CTNNA3: variants seen among roughly 807,000 people sequenced by gnomAD.
CTNNA3 encodes the protein catenin alpha-3.
A neutral mutation model predicts 95.7 loss-of-function variants in CTNNA3; 76 were observed. That is an observed-to-expected ratio of 0.79 (90% CI 0.66 to 0.96). CTNNA3 has a LOEUF of 0.96. Among genes scored for constraint, CTNNA3 ranks in the 40% least tolerant of loss-of-function variants. The probability of loss-of-function intolerance (pLI) is 0.00; values close to 1 mark genes in which losing one functional copy is unlikely to be tolerated. For synonymous variants in CTNNA3, 431 were observed against 374.4 expected, an observed-to-expected ratio of 1.15 and a Z score of -1.74; for missense variants, 1,191 against 1,089.8, an observed-to-expected ratio of 1.09 and a Z score of -1.31.
intron 16 of CTNNA3, among the ~76,000 whole-genome samples, chr10:65,974,307 C>G (rs1345483271): frequency 6.6e-6 from 1 of 152,120 alleles, no homozygotes; most frequent in Non-Finnish European, 1.5e-5. Flanking sequence ...TTCATTGCAG[C>G]ACTATTCACA....
chr10:67,665,885 C>T (rs1840320795), intron 1 of CTNNA3, among the ~76,000 whole-genome samples: 1 of 151,978 alleles, frequency 6.6e-6, no homozygotes. Context: ...CATTATGTAC[C>T]CAAAACACTG....
intron 9 of CTNNA3, among the ~76,000 whole-genome samples, chr10:66,738,079 GA>G (rs1393392684): frequency 6.6e-6 from 1 of 152,126 alleles, no homozygotes; most frequent in African/African-American, 2.4e-5. Context: ...AGCTTTCCAT[GA>G]AACATAGTGA....
At chr10:67,080,233 T>C (rs1365808852) in intron 7 of CTNNA3, among the ~76,000 whole-genome samples, 2 of 152,172 alleles carry the variant, frequency 1.3e-5, no homozygotes, top group African/African-American at 4.8e-5. Flanking sequence ...TTCTGCTGGA[T>C]TGGGTTTTGA....
At chr10:67,406,724 A>G (rs1845150743) in intron 5 of CTNNA3, among the ~76,000 whole-genome samples, 1 of 151,196 alleles carries the variant, frequency 6.6e-6, no homozygotes, top group Non-Finnish European at 1.5e-5. Context: ...ACAATCAGAA[A>G]TGACATGGAG....
Position 67,375,709 on chromosome 10 carries a change from A to T in CTNNA3, c.579+146133T>A, listed in dbSNP as rs550689433. ...AAGAAACCCTGTCCTAATGAAAAGG[A>T]TTCTTCTCTACTTCATTGAAGGTGG... On this transcript the variant is annotated intron_variant, in intron 5 of 17. Coordinates refer to ENST00000433211, the MANE Select transcript of CTNNA3 (RefSeq NM_013266.4). 3.3e-5 allele frequency among the ~76,000 whole-genome samples: 5 copies of T among 152,196 alleles called. No individual in the cohort carries two copies. The South Asian group carries it at 1.0e-3, about 31-fold the overall frequency.
At chr10:66,284,119 G>T (rs2091542307) in intron 12 of CTNNA3, among the ~76,000 whole-genome samples, 1 of 151,826 alleles carries the variant, frequency 6.6e-6, no homozygotes, top group Admixed American at 6.6e-5. Flanking sequence ...CAACACCCCG[G>T]CGACTTCAAA....
chr10:66,429,627 C>T lies in CTNNA3; in HGVS notation c.1532-50275G>A, dbSNP rs188435109. 6.9e-3 allele frequency among the ~76,000 whole-genome samples: 1,055 copies of T among 152,202 alleles called. 11 individuals carry two copies. The highest frequency in any genetic ancestry group is 0.024 in the African/African-American group (1,004 of 41,528). On this transcript the variant is annotated intron_variant, in intron 11 of 17. Coordinates refer to ENST00000433211, the MANE Select transcript of CTNNA3 (RefSeq NM_013266.4). ...ACAAATCAATAAATGTAATCCAGCA[C>T]ATAAACAGAACCAAAGACAAAAAAC...
chr10:67,086,117 T>C (rs753828744), intron 7 of CTNNA3, among the ~76,000 whole-genome samples: 3 of 152,028 alleles, frequency 2.0e-5, no homozygotes, highest in African/African-American at 7.2e-5. Flanking sequence ...AATGAGTGGA[T>C]AGATGGATAG....
chr10:67,320,763 C>A (rs1394283305), intron 5 of CTNNA3, among the ~76,000 whole-genome samples: 1 of 152,114 alleles, frequency 6.6e-6, no homozygotes, highest in Non-Finnish European at 1.5e-5. Flanking sequence ...TCATACAGGT[C>A]TTAATTACTT....
At chr10:66,888,548 T>A (rs1589379689) in intron 7 of CTNNA3, among the ~76,000 whole-genome samples, 1 of 44,276 alleles carries the variant, frequency 2.3e-5, no homozygotes, top group Non-Finnish European at 5.6e-5. Context: ...TAGTTTTTCA[T>A]TTTTTTTTTT....
intron 7 of CTNNA3, among the ~76,000 whole-genome samples, chr10:66,808,214 A>C (rs1289297131): frequency 6.6e-6 from 1 of 152,036 alleles, no homozygotes; most frequent in Non-Finnish European, 1.5e-5. Flanking sequence ...ACTCCATTTT[A>C]CTCAAGCTGC....
intron 10 of CTNNA3, among the ~76,000 whole-genome samples, chr10:66,571,461 G>A (rs565340109): frequency 7.4e-4 from 113 of 152,304 alleles, no homozygotes; most frequent in African/African-American, 2.7e-3. Context: ...TTTCATGGAT[G>A]AGGAAATTGG....
intron 10 of CTNNA3, among the ~76,000 whole-genome samples, chr10:66,543,907 G>A (rs61869368): frequency 0.042 from 1,152 of 27,414 alleles, 3 homozygotes; most frequent in East Asian, 0.084. Context: ...AGATGTGTGT[G>A]TGTGTATATA....
At chr10:66,649,079 A>G (rs868507420) in intron 9 of CTNNA3, among the ~76,000 whole-genome samples, 1 of 152,180 alleles carries the variant, frequency 6.6e-6, no homozygotes, top group African/African-American at 2.4e-5. Context: ...AAGGAAAATC[A>G]GGAGAGTGTG....
chr10:66,959,550 G>A (rs915633392), intron 7 of CTNNA3, among the ~76,000 whole-genome samples: 1 of 152,084 alleles, frequency 6.6e-6, no homozygotes, highest in African/African-American at 2.4e-5. Flanking sequence ...ATGAGCTTGG[G>A]AAAGAGAATT....
chr10:67,726,237 T>G (rs1269000680), intron 1 of CTNNA3, among the ~76,000 whole-genome samples: 1 of 99,522 alleles, frequency 1.0e-5, no homozygotes, highest in Non-Finnish European at 1.7e-5. Context: ...ACATTATATA[T>G]TATATATTAT....
chr10:67,725,979 CT>C (rs1284961976), intron 1 of CTNNA3, among the ~76,000 whole-genome samples: 8 of 132,520 alleles, frequency 6.0e-5, no homozygotes, highest in Admixed American at 5.8e-4. Context: ...GTAATATATA[CT>C]ATATACTATA....
At chr10:66,382,007 T>A (rs1312872720) in intron 11 of CTNNA3, among the ~76,000 whole-genome samples, 1 of 152,046 alleles carries the variant, frequency 6.6e-6, no homozygotes, top group African/African-American at 2.4e-5. Context: ...CAGCTCCCAG[T>A]GTGATTGATG....
chr10:67,160,273 A>G (rs1861478087), intron 7 of CTNNA3, among the ~76,000 whole-genome samples: 1 of 152,170 alleles, frequency 6.6e-6, no homozygotes, highest in South Asian at 2.1e-4. Flanking sequence ...ATTGATATAA[A>G]TGTAAAATGA....
Sources: allele counts gnomAD v4.1 joint callset (sites outside exome capture counted in the v4.1 genomes callset), GRCh38; gene constraint gnomAD v4.1.1; transcripts MANE v1.5; gene names NCBI Gene and HGNC (gene_info 2026-07-23, HGNC 2026-07-21).